The following CACNB2 variants were observed in gnomAD, a reference collection of about 807,000 sequenced individuals.
CACNB2 encodes voltage-dependent L-type calcium channel subunit beta-2.
CACNB2 carries 42 observed loss-of-function variants against 73.3 expected under a neutral mutation model. That is an observed-to-expected ratio of 0.57 (90% CI 0.45 to 0.74). The LOEUF (loss-of-function observed/expected upper bound fraction) is 0.74. Among genes scored for constraint, CACNB2 ranks in the 30% least tolerant of loss-of-function variants. The probability of loss-of-function intolerance (pLI) is 0.00; values close to 1 mark genes in which losing one functional copy is unlikely to be tolerated. For synonymous variants in CACNB2, 348 were observed against 310.3 expected, an observed-to-expected ratio of 1.12 and a Z score of -1.28; for missense variants, 940 against 853.0, an observed-to-expected ratio of 1.10 and a Z score of -1.27.
intron 2 of CACNB2, among the ~76,000 whole-genome samples, chr10:18,395,109 G>C (rs1170369882): frequency 1.3e-5 from 2 of 152,130 alleles, no homozygotes; most frequent in Non-Finnish European, 2.9e-5. Flanking sequence ...GAGAGAAAAA[G>C]AGAAGGGAGA....
At chr10:18,510,632 A>G (rs2050716326) in intron 6 of CACNB2, among the ~76,000 whole-genome samples, 1 of 152,162 alleles carries the variant, frequency 6.6e-6, no homozygotes, top group African/African-American at 2.4e-5. Context: ...CAAAAATACA[A>G]CTGATGATCA....
intron 2 of CACNB2, among the ~76,000 whole-genome samples, chr10:18,365,136 C>T (rs989074182): frequency 4.6e-5 from 7 of 152,160 alleles, no homozygotes; most frequent in Non-Finnish European, 8.8e-5. Context: ...ATAGTTAAGA[C>T]CATTTCCTGA....
chr10:18,530,809 A>C (rs1428980258), intron 10 of CACNB2, among the ~76,000 whole-genome samples: 1 of 152,200 alleles, frequency 6.6e-6, no homozygotes, highest in Non-Finnish European at 1.5e-5. Context: ...TTTAGTCCTC[A>C]TTTCCGTAAT....
At chr10:18,474,586 A>G (rs1048638508) in intron 3 of CACNB2, among the ~76,000 whole-genome samples, 3 of 152,130 alleles carry the variant, frequency 2.0e-5, no homozygotes, top group Admixed American at 1.3e-4. Context: ...GTAACAGCGC[A>G]CGGCTCCTGA....
chr10:18,419,634 C>G (rs61841960), intron 3 of CACNB2, among the ~76,000 whole-genome samples: 23,465 of 152,046 alleles, frequency 0.15, 2,014 homozygotes, highest in East Asian at 0.26. Context: ...ACCCCAAGAG[C>G]GGGTTCTTGA....
intron 2 of CACNB2, among the ~76,000 whole-genome samples, chr10:18,247,968 G>T (rs1239478901): frequency 6.6e-6 from 1 of 152,130 alleles, no homozygotes; most frequent in African/African-American, 2.4e-5. Context: ...AGGGGCAGTG[G>T]ATCTCTCTGG....
At chr10:18,521,789 C>G (rs930643829) in intron 9 of CACNB2, among the ~76,000 whole-genome samples, 1 of 152,162 alleles carries the variant, frequency 6.6e-6, no homozygotes, top group Non-Finnish European at 1.5e-5. Flanking sequence ...AGATACAGGG[C>G]TAGTGTATAT....
chr10:18,239,213 C>T (rs527762937), intron 2 of CACNB2, among the ~76,000 whole-genome samples: 10 of 152,018 alleles, frequency 6.6e-5, no homozygotes, highest in African/African-American at 1.2e-4. Context: ...TTTTGTTACA[C>T]GGATATATTG....
At chr10:18,492,516 G>C (rs1001357093) in intron 3 of CACNB2, among the ~76,000 whole-genome samples, 87 of 151,072 alleles carry the variant, frequency 5.8e-4, no homozygotes, top group African/African-American at 2.0e-3. Flanking sequence ...AACTACTTGG[G>C]AGGCTGAGGC....
At chr10:18,220,242 GA>G (rs2035729432) in intron 2 of CACNB2, among the ~76,000 whole-genome samples, 1 of 89,136 alleles carries the variant, frequency 1.1e-5, no homozygotes, top group African/African-American at 6.2e-5. Context: ...TAGAGAGAGA[GA>G]GAGAGAGAGA....
chr10:18,493,262 A>C (rs1380400270), intron 3 of CACNB2, among the ~76,000 whole-genome samples: 1 of 152,070 alleles, frequency 6.6e-6, no homozygotes. Context: ...TCCGCCTCCT[A>C]GGTTCAAGCA....
intron 2 of CACNB2, among the ~76,000 whole-genome samples, chr10:18,170,716 G>A (rs181140536): frequency 6.6e-6 from 1 of 152,350 alleles, no homozygotes; most frequent in Admixed American, 6.5e-5. Flanking sequence ...TGACATTTGA[G>A]CAGCACTGAC....
chr10:18,447,930 A>G (rs1025365153), intron 3 of CACNB2, among the ~76,000 whole-genome samples: 1 of 152,164 alleles, frequency 6.6e-6, no homozygotes, highest in Non-Finnish European at 1.5e-5. Context: ...GGGCAAAATG[A>G]ACAGGATTAA....
At chr10:18,333,477 G>A (rs748085842) in intron 2 of CACNB2, among the ~76,000 whole-genome samples, 2 of 151,344 alleles carry the variant, frequency 1.3e-5, no homozygotes, top group Non-Finnish European at 2.9e-5. Context: ...AACATAGATT[G>A]CTATGTTGAA....
intron 3 of CACNB2, among the ~76,000 whole-genome samples, chr10:18,469,211 G>T (rs139386514): frequency 0.025 from 3,858 of 152,220 alleles, 82 homozygotes; most frequent in Non-Finnish European, 0.034. Context: ...CTGCACTCCA[G>T]CCTGGGTGAC....
At chr10:18,291,520 T>G (rs2039069273) in intron 2 of CACNB2, among the ~76,000 whole-genome samples, 1 of 152,240 alleles carries the variant, frequency 6.6e-6, no homozygotes, top group South Asian at 2.1e-4. Flanking sequence ...AGTAGCAATC[T>G]GTGATGTGTG....
intron 3 of CACNB2, among the ~76,000 whole-genome samples, chr10:18,463,597 T>C (rs1564577827): frequency 6.8e-6 from 1 of 146,278 alleles, no homozygotes; most frequent in Non-Finnish European, 1.5e-5. Context: ...TTTTTTTTGT[T>C]GTTTTTTGTT....
chr10:18,317,768 C>T (rs2040248777), intron 2 of CACNB2, among the ~76,000 whole-genome samples: 1 of 152,096 alleles, frequency 6.6e-6, no homozygotes, highest in African/African-American at 2.4e-5. Context: ...AAATTTCTGA[C>T]ATTTATTTAT....
At chr10:18,279,712 C>T (rs1365485985) in intron 2 of CACNB2, among the ~76,000 whole-genome samples, 1 of 152,208 alleles carries the variant, frequency 6.6e-6, no homozygotes, top group Non-Finnish European at 1.5e-5. Context: ...AAATACTCAG[C>T]TTGGTCTAAA....
Sources: gnomAD v4.1 joint callset for allele counts (sites outside exome capture counted in the v4.1 genomes callset) on GRCh38, gnomAD v4.1.1 for gene constraint, MANE v1.5 for transcripts, NCBI Gene and HGNC (gene_info 2026-07-23, HGNC 2026-07-21) for gene names.